Variants in RBFOX1 observed in about 807,000 individuals in gnomAD.
The protein encoded by RBFOX1 is RNA binding fox-1 homolog 1.
In RBFOX1, 8 loss-of-function variants were observed where a neutral mutation model predicts 57.7. The observed-to-expected ratio is 0.14, with a 90% CI of 0.08 to 0.25. The LOEUF is 0.25. Among genes scored for constraint, RBFOX1 ranks in the 10% least tolerant of loss-of-function variants. The pLI is 1.00. For synonymous variants in RBFOX1, 326 were observed against 222.4 expected, an observed-to-expected ratio of 1.47 and a Z score of -4.15; for missense variants, 611 against 548.5, an observed-to-expected ratio of 1.11 and a Z score of -1.14.
intron 3 of RBFOX1, among the ~76,000 whole-genome samples, chr16:6,904,560 C>T (rs376960368): frequency 2.2e-5 from 3 of 135,460 alleles, no homozygotes; most frequent in Admixed American, 8.0e-5. Context: ...GAGATCATGC[C>T]ATTGCACTCC....
intron 3 of RBFOX1, among the ~76,000 whole-genome samples, chr16:5,643,997 C>G (rs1035007668): frequency 6.6e-6 from 1 of 152,190 alleles, no homozygotes; most frequent in African/African-American, 2.4e-5. Flanking sequence ...TTTACGATGT[C>G]AAATGTGACC....
chr16:7,525,446 G>C (rs377194317), intron 5 of RBFOX1, among the ~76,000 whole-genome samples: 1 of 152,084 alleles, frequency 6.6e-6, no homozygotes, highest in African/African-American at 2.4e-5. Context: ...TTTGCCTCTG[G>C]GTGTGAATGG....
At chr16:5,699,130 G>A (rs1188809839) in intron 3 of RBFOX1, among the ~76,000 whole-genome samples, 1 of 151,812 alleles carries the variant, frequency 6.6e-6, no homozygotes, top group East Asian at 1.9e-4. Flanking sequence ...TGGGTCTATA[G>A]GTGCATGCCA....
At chr16:7,268,631 G>T (rs745847916) in intron 4 of RBFOX1, among the ~76,000 whole-genome samples, 4 of 152,280 alleles carry the variant, frequency 2.6e-5, no homozygotes. Context: ...ATTATTGTAA[G>T]TTCTTTTAGT....
chr16:6,553,907 C>T (rs1218043811), intron 2 of RBFOX1, among the ~76,000 whole-genome samples: 1 of 152,122 alleles, frequency 6.6e-6, no homozygotes, highest in Non-Finnish European at 1.5e-5. Context: ...TTTTGCACAA[C>T]TTTGTACCTA....
intron 3 of RBFOX1, among the ~76,000 whole-genome samples, chr16:6,701,334 G>A (rs1030455707): frequency 6.6e-6 from 1 of 152,194 alleles, no homozygotes; most frequent in African/African-American, 2.4e-5. Flanking sequence ...AGCTGGGTAC[G>A]GGTATTTGTG....
At chr16:5,595,774 T>A (rs2047160180) in intron 2 of RBFOX1, among the ~76,000 whole-genome samples, 1 of 152,058 alleles carries the variant, frequency 6.6e-6, no homozygotes, top group African/African-American at 2.4e-5. Context: ...TGTTTTCGAG[T>A]TAAGGAGGAA....
At chr16:6,486,934 C>T (rs188444628) in intron 2 of RBFOX1, among the ~76,000 whole-genome samples, 1 of 152,108 alleles carries the variant, frequency 6.6e-6, no homozygotes, top group African/African-American at 2.4e-5. Flanking sequence ...TTTAGGATCC[C>T]TGCTGAACCC....
chr16:5,919,694 G>A (rs1251837464), intron 4 of RBFOX1, among the ~76,000 whole-genome samples: 3 of 152,082 alleles, frequency 2.0e-5, no homozygotes, highest in Non-Finnish European at 2.9e-5. Context: ...TCACAAGGTT[G>A]TGCCACCACC....
chr16:6,684,025 G>A (rs75286408), intron 3 of RBFOX1, among the ~76,000 whole-genome samples: 1,784 of 152,296 alleles, frequency 0.012, 30 homozygotes, highest in African/African-American at 0.04. Flanking sequence ...ATGGTCCACA[G>A]TGTGAACAGC....
At chr16:7,457,152 G>T (rs1055936501) in intron 4 of RBFOX1, among the ~76,000 whole-genome samples, 1 of 152,094 alleles carries the variant, frequency 6.6e-6, no homozygotes, top group Non-Finnish European at 1.5e-5. Flanking sequence ...CTCCCAAAGT[G>T]CTAGGATTAC....
intron 4 of RBFOX1, among the ~76,000 whole-genome samples, chr16:7,374,880 A>G (rs1230708103): frequency 2.6e-5 from 4 of 152,190 alleles, no homozygotes; most frequent in Admixed American, 2.0e-4. Context: ...TTCCATCCAG[A>G]AAGTGTCTCT....
intron 2 of RBFOX1, among the ~76,000 whole-genome samples, chr16:5,593,676 G>T (rs999639461): frequency 1.3e-5 from 2 of 152,150 alleles, no homozygotes; most frequent in Non-Finnish European, 2.9e-5. Flanking sequence ...CTGAAAAGAA[G>T]AGGCATGAAT....
intron 4 of RBFOX1, among the ~76,000 whole-genome samples, chr16:7,145,982 C>T (rs765647940): frequency 7.9e-5 from 12 of 152,196 alleles, no homozygotes; most frequent in Non-Finnish European, 1.6e-4. Context: ...CAACTAGTCA[C>T]CCCATCTGTG....
intron 3 of RBFOX1, among the ~76,000 whole-genome samples, chr16:5,787,725 C>G (rs573494965): frequency 1.3e-5 from 2 of 152,246 alleles, no homozygotes; most frequent in South Asian, 4.1e-4. Flanking sequence ...GGTGACACCA[C>G]CAGCCAAGGG....
At chr16:5,325,759 ATAGT>A (rs1287824692) in intron 1 of RBFOX1, among the ~76,000 whole-genome samples, 2 of 152,178 alleles carry the variant, frequency 1.3e-5, no homozygotes, top group South Asian at 2.1e-4. Flanking sequence ...GTGTGTACCA[ATAGT>A]TAGTCCCTTT....
At chr16:6,212,830 T>A (rs2097307554) in intron 1 of RBFOX1, among the ~76,000 whole-genome samples, 1 of 152,190 alleles carries the variant, frequency 6.6e-6, no homozygotes, top group African/African-American at 2.4e-5. Context: ...CCAAGACATA[T>A]GTACCCTATT....
chr16:7,164,505 G>A (rs879550914), intron 4 of RBFOX1, among the ~76,000 whole-genome samples: 2 of 152,160 alleles, frequency 1.3e-5, no homozygotes, highest in South Asian at 4.1e-4. Flanking sequence ...TGGCAGAAAT[G>A]ATATGTGTCT....
chr16:5,727,415 T>G (rs576105059), intron 3 of RBFOX1, among the ~76,000 whole-genome samples: 3 of 152,358 alleles, frequency 2.0e-5, no homozygotes, highest in South Asian at 4.1e-4. Flanking sequence ...GATGCTCTGA[T>G]GTACGTATAT....
Sources: allele counts gnomAD v4.1 joint callset (sites outside exome capture counted in the v4.1 genomes callset), GRCh38; gene constraint gnomAD v4.1.1; transcripts MANE v1.5; gene names NCBI Gene and HGNC (gene_info 2026-07-23, HGNC 2026-07-21).